Variants in SPEN observed in about 807,000 individuals in gnomAD.
The protein encoded by SPEN is spen family transcriptional repressor.
In SPEN, 18 loss-of-function variants were observed where a neutral mutation model predicts 269.9. That is an observed-to-expected ratio of 0.07 (90% CI 0.05 to 0.10). The LOEUF (loss-of-function observed/expected upper bound fraction) is 0.10. SPEN is among the 10% of genes least tolerant of loss of function. The probability of loss-of-function intolerance (pLI) is 1.00; values close to 1 mark genes in which losing one functional copy is unlikely to be tolerated. For missense variants in SPEN, 3,822 were observed against 4,631.2 expected, an observed-to-expected ratio of 0.83 and a Z score of 5.07; for synonymous variants, 1,726 against 1,765.7, an observed-to-expected ratio of 0.98 and a Z score of 0.56.
At position 15,929,814 on chromosome 1, in the gene SPEN, T is replaced by A. The variant is rs1327361831; in HGVS notation, c.3574T>A (p.Phe1192Ile). The change falls in exon 11 of 15, where the codon TTT becomes ATT. Residue 1192 changes from phenylalanine to isoleucine, a missense_variant. By Grantham distance (21) the Phe-to-Ile change is conservative. Coordinates refer to ENST00000375759, the MANE Select transcript of SPEN (RefSeq NM_015001.3). The surrounding 1 kb of genome is among the most constrained non-coding windows in gnomAD (Gnocchi z 5.8). ...MEMEIAKSEK[F>I]GSPKKDVDEY... ...AATGGAAATAGCCAAGTCTGAGAAGTTTGGCAGTCCTAAAAAAGATGTAGA... is the reference window on the plus strand; with the variant it reads ...AATGGAAATAGCCAAGTCTGAGAAGATTGGCAGTCCTAAAAAAGATGTAGA... The A allele has an allele frequency of 6.2e-7, 1 of 1,613,972 alleles. No individual in the cohort carries two copies. Among genetic ancestry groups the A allele is most frequent in the Non-Finnish European group, 8.5e-7 (1 of 1,179,998 alleles).
At chr1:15,923,369 A>C (rs1359352690) in intron 10 of SPEN, among the ~76,000 whole-genome samples, 1 of 152,234 alleles carries the variant, frequency 6.6e-6, no homozygotes, top group Non-Finnish European at 1.5e-5. Context: ...CCATATTATC[A>C]AGCTGTTTTT....
rs146031154 is a variant in SPEN at position 15,932,990 on chromosome 1, C to T, written c.6750C>T (p.Pro2250=). Residue 2250 remains proline, a synonymous_variant, in exon 11 of 15, where the codon CCC becomes CCT. Coordinates refer to ENST00000375759, the MANE Select transcript of SPEN (RefSeq NM_015001.3). This position sits in a 1 kb window ranked among gnomAD's most constrained non-coding sequence, Gnocchi z 4.2. ...AATCCCAGACAGATCTGCAACCCCC[C>T]GCAGGTGCACAGGCGCTGCAGCCTT... ...PGESQTDLQP[P]AGAQALQPSE... is the part of the protein sequence containing the mutation. 5.7e-5 allele frequency: 92 copies of T among 1,614,048 alleles called. No individual in the cohort carries two copies. The highest frequency in any genetic ancestry group is 2.5e-4 in the South Asian group (23 of 91,088).
chr1:15,868,695 A>G (rs1288053406), intron 1 of SPEN, among the ~76,000 whole-genome samples: 1 of 152,208 alleles, frequency 6.6e-6, no homozygotes, highest in Non-Finnish European at 1.5e-5. Context: ...TGGCCTCCCA[A>G]AGTGCTGGGA....
rs1231792930 is a variant in SPEN at position 15,932,045 on chromosome 1, G to A, written c.5805G>A (p.Glu1935=). ...CAAGAGTGACCAGAAAGAGATTGGA[G>A]CGAGAGCTTCAGGAGGCTGCAGCGG... The part of the protein sequence containing the change: ...EQPRVTRKRL[E]RELQEAAAVP... Residue 1935 remains glutamate, a synonymous_variant, in exon 11 of 15, where the codon GAG becomes GAA. Transcript: ENST00000375759. This position sits in a 1 kb window ranked among gnomAD's most constrained non-coding sequence, Gnocchi z 4.2. 3.7e-6 allele frequency: 6 copies of A among 1,614,120 alleles called. No individual in the cohort carries two copies. In the African/African-American group the frequency reaches 4.0e-5, roughly 11 times the overall value.
chr1:15,864,677 C>T (rs1037819684), intron 1 of SPEN, among the ~76,000 whole-genome samples: 1 of 136,724 alleles, frequency 7.3e-6, no homozygotes, highest in Admixed American at 8.1e-5. Flanking sequence ...GTGGTGTGAT[C>T]ATGCCCACTG....
intron 3 of SPEN, among the ~76,000 whole-genome samples, chr1:15,905,110 A>G (rs1030830977): frequency 1.3e-5 from 2 of 150,358 alleles, no homozygotes; most frequent in Non-Finnish European, 3.0e-5. Flanking sequence ...CTGGTCTCAG[A>G]CTCCTGACCT....
chr1:15,858,973 T>G (rs760255843), intron 1 of SPEN, among the ~76,000 whole-genome samples: 23 of 152,108 alleles, frequency 1.5e-4, no homozygotes, highest in Non-Finnish European at 3.4e-4. Flanking sequence ...AACTTAATGT[T>G]TTGAAATAGT....
Position 15,865,429 on chromosome 1 carries a change from T to G in SPEN, c.84-7387T>G, listed in dbSNP as rs1465987730. Among the ~76,000 whole-genome samples, 12 of 150,532 alleles carry G rather than the reference T, an allele frequency of 8.0e-5. No individual in the cohort carries two copies. The South Asian group carries it at 2.1e-3, about 26-fold the overall frequency. ...ATGCAGGTATATGCCTGTTTTTTTT[T>G]TTTTTTTTTTCTGAGACGGTGTCTC... On this transcript the variant is annotated intron_variant, in intron 1 of 14. Transcript: ENST00000375759.
rs1201069254 is a variant in SPEN, at chr1:15,873,416, A to G, written c.404+280A>G. The G allele has an allele frequency of 3.3e-5, 38 of 1,136,460 alleles. No homozygotes were observed. The East Asian group carries it at 1.7e-3, about 50-fold the overall frequency. 70.4% of individuals were successfully genotyped at this position (1,136,460 alleles called of 1,614,324 possible). On this transcript the variant is annotated intron_variant, in intron 2 of 14. Coordinates refer to ENST00000375759, the MANE Select transcript of SPEN (RefSeq NM_015001.3). The stretch of plus-strand genomic sequence containing the variant: ...TTGGAGTTACCTGTCTTCTAGAATT[A>G]CTTATTCCTTCTCTTGGATAATGTT...
chr1:15,870,683 G>T (rs2070564205), intron 1 of SPEN, among the ~76,000 whole-genome samples: 1 of 152,296 alleles, frequency 6.6e-6, no homozygotes, highest in Non-Finnish European at 1.5e-5. Context: ...CAAAAGCTAA[G>T]ATTAAAATTA....
intron 3 of SPEN, among the ~76,000 whole-genome samples, chr1:15,895,103 G>T (rs2070828203): frequency 6.6e-6 from 1 of 151,896 alleles, no homozygotes; most frequent in Non-Finnish European, 1.5e-5. Flanking sequence ...TGTATTTTTA[G>T]TAGAGACAGG....
chr1:15,926,694 C>CTTT (rs201031337), intron 10 of SPEN, among the ~76,000 whole-genome samples: 1 of 133,872 alleles, frequency 7.5e-6, no homozygotes, highest in African/African-American at 2.7e-5. Context: ...TTCTAGTGTT[C>CTTT]TTTTTTTTTT....
At chr1:15,908,470 G>A (rs554852023) in intron 3 of SPEN, among the ~76,000 whole-genome samples, 113 of 151,682 alleles carry the variant, frequency 7.4e-4, no homozygotes, top group Non-Finnish European at 1.1e-3. Flanking sequence ...TCACCCAGGC[G>A]GGAGTGCAGT....
intron 3 of SPEN, among the ~76,000 whole-genome samples, chr1:15,888,293 AG>A (rs1322548534): frequency 6.6e-6 from 1 of 151,222 alleles, no homozygotes. Flanking sequence ...TTGACTTGGA[AG>A]CAAACTATGT....
At chr1:15,890,188 T>C (rs2070775234) in intron 3 of SPEN, among the ~76,000 whole-genome samples, 1 of 152,196 alleles carries the variant, frequency 6.6e-6, no homozygotes, top group South Asian at 2.1e-4. Flanking sequence ...AGATTAGAAA[T>C]ATATGCTAAG....
chr1:15,921,605 A>G (rs916966906), intron 9 of SPEN, among the ~76,000 whole-genome samples: 9 of 152,154 alleles, frequency 5.9e-5, no homozygotes, highest in African/African-American at 2.2e-4. Context: ...GGTATCTGAC[A>G]CCCAGGGCCT....
chr1:15,892,316 T>C (rs1413641435), intron 3 of SPEN, among the ~76,000 whole-genome samples: 1 of 152,118 alleles, frequency 6.6e-6, no homozygotes, highest in Non-Finnish European at 1.5e-5. Flanking sequence ...GAGCCACTGC[T>C]CCCAGCTCTT....
Position 15,928,364 on chromosome 1 carries a change from A to G in SPEN, c.2124A>G (p.Arg708=). ...GGGAACGAGAAAGAGAACGTGAAAGATTTGAGTCTGACCGGGACAGAGACC... is the reference window on the plus strand; with the variant it reads ...GGGAACGAGAAAGAGAACGTGAAAGGTTTGAGTCTGACCGGGACAGAGACC... ...RQRERERERE[R]FESDRDRDHE... is the part of the protein sequence containing the mutation. The change falls in exon 11 of 15, where the codon AGA becomes AGG. Residue 708 remains arginine (R), a synonymous_variant. Coordinates refer to ENST00000375759, the MANE Select transcript of SPEN (RefSeq NM_015001.3). The surrounding 1 kb of genome is among the most constrained non-coding windows in gnomAD (Gnocchi z 5.7). 6.2e-7 allele frequency: 1 copy of G among 1,614,190 alleles called. No homozygotes were observed. The highest frequency in any genetic ancestry group is 1.1e-5 in the South Asian group (1 of 91,080).
chr1:15,863,870 T>C (rs2070471287), intron 1 of SPEN, among the ~76,000 whole-genome samples: 1 of 152,120 alleles, frequency 6.6e-6, no homozygotes, highest in Non-Finnish European at 1.5e-5. Flanking sequence ...AACTAATCTA[T>C]TATGTTTTCA....
Sources: allele counts gnomAD v4.1 joint callset (sites outside exome capture counted in the v4.1 genomes callset), GRCh38; gene constraint gnomAD v4.1.1; non-coding constraint Gnocchi (gnomAD v3.1); transcripts MANE v1.5; gene names NCBI Gene and HGNC (gene_info 2026-07-23, HGNC 2026-07-21).